NUP93: variants seen among roughly 807,000 people sequenced by gnomAD.
NUP93 encodes nuclear pore complex protein Nup93.
NUP93 carries 55 observed loss-of-function variants against 107.8 expected under a neutral mutation model. The observed-to-expected ratio is 0.51, with a 90% CI of 0.41 to 0.64. The LOEUF is 0.64. Among genes scored for constraint, NUP93 ranks in the 30% least tolerant of loss-of-function variants. The probability of loss-of-function intolerance (pLI) is 0.00; values close to 1 mark genes in which losing one functional copy is unlikely to be tolerated. For missense variants in NUP93, 937 were observed against 1,044.7 expected (o/e 0.90, Z 1.42); for synonymous variants, 390 against 397.5 (o/e 0.98, Z 0.22).
At chr16:56,739,626 G>A (rs1404447160) in intron 1 of NUP93, among the ~76,000 whole-genome samples, 6 of 110,376 alleles carry the variant, frequency 5.4e-5, no homozygotes, top group African/African-American at 1.9e-4. Context: ...GCGGGGGGCC[G>A]ACATCCCCAC....
chr16:56,753,643 CAT>C (rs1454990566), intron 2 of NUP93, among the ~76,000 whole-genome samples: 1 of 152,100 alleles, frequency 6.6e-6, no homozygotes, highest in East Asian at 1.9e-4. Flanking sequence ...TTTGTCATCA[CAT>C]GTGCATTTAA....
At chr16:56,808,821 CAT>C (rs1963248099) in intron 5 of NUP93, among the ~76,000 whole-genome samples, 2 of 142,126 alleles carry the variant, frequency 1.4e-5, no homozygotes, top group Non-Finnish European at 3.1e-5. Context: ...AATATAAATA[CAT>C]ATATAAATAT....
At position 56,823,712 on chromosome 16, in the gene NUP93, T is replaced by G. The variant is rs374124744; in HGVS notation, c.660T>G (p.Ile220Met). ...GCAGTTTCATTTATGTGCAGAGCAT[T>G]TCCGACATGTGGACCATGGTAAAAC... Reference protein sequence around the residue: ...ASVAELDDKSISDMWTMVKQM... With the variant: ...ASVAELDDKSMSDMWTMVKQM... Residue 220 changes from isoleucine to methionine, a missense_variant, in exon 8 of 22, where the codon ATT (isoleucine) becomes ATG (methionine). Transcript: ENST00000308159. 9.7e-5 allele frequency: 157 copies of G among 1,614,094 alleles called. 2 individuals carry two copies. In the South Asian group the frequency reaches 1.5e-3, roughly 15 times the overall value.
At chr16:56,732,154 G>A (rs145181067) in intron 1 of NUP93, among the ~76,000 whole-genome samples, 4 of 152,198 alleles carry the variant, frequency 2.6e-5, no homozygotes, top group Admixed American at 1.3e-4. Flanking sequence ...CCCATTTCCC[G>A]CCTCCCTTCA....
rs772272854 is a variant in NUP93 at position 56,829,073 on chromosome 16, G to A, written c.891G>A (p.Leu297=). 6.2e-7 allele frequency: 1 copy of A among 1,613,140 alleles called. No homozygotes were observed. The highest frequency in any genetic ancestry group is 1.7e-5 in the Admixed American group (1 of 59,786). ...PGTYQLVRSF[L]NIKLPAPLPG... ...CTTACCAATTGGTTCGAAGTTTCCT[G>A]AACATTAAACTGCCAGCTCCCTTGC... Residue 297 remains leucine (L), a synonymous_variant, in exon 9 of 22, where the codon CTG becomes CTA. Transcript: ENST00000308159.
Position 56,849,168 on chromosome 16 carries a change from G to A in NUP93, c.*4559G>A, listed in dbSNP as rs139929592. The A allele has an allele frequency of 1.3e-5, 2 of 152,280 alleles. No individual in the cohort carries two copies. Among genetic ancestry groups the A allele is most frequent in the South Asian group, 2.1e-4 (1 of 4,826 alleles). 9.4% of individuals were successfully genotyped at this position (152,280 alleles called of 1,614,324 possible). On this transcript the variant is annotated 3_prime_UTR_variant, in exon 22 of 22. Transcript: ENST00000308159. The stretch of plus-strand genomic sequence containing the variant: ...TGATTCACCGTGGGGGCCCTTAATA[G>A]GCATTCAGTCTGAAAGAAGGTGGAG...
Position 56,832,352 on chromosome 16 carries a change from C to A in NUP93, c.1309C>A (p.Leu437Ile). The A allele has an allele frequency of 6.2e-7, 1 of 1,614,108 alleles. No individual in the cohort carries two copies. Among genetic ancestry groups the A allele is most frequent in the Non-Finnish European group, 8.5e-7 (1 of 1,179,950 alleles). ...GTSSPQDRLT[L>I]SQFQKQLLED... ...CAGCTCCCCACAAGACAGGCTCACT[C>A]TCTCACAGTTCCAGAAGCAGTTGTT... is the stretch of plus-strand genomic sequence containing the variant. Residue 437 changes from leucine to isoleucine, a missense_variant, in exon 12 of 22, where the codon CTC becomes ATC. Coordinates refer to ENST00000308159, the MANE Select transcript of NUP93 (RefSeq NM_014669.5).
intron 3 of NUP93, among the ~76,000 whole-genome samples, chr16:56,772,009 A>T (rs952850347): frequency 4.0e-5 from 6 of 151,612 alleles, no homozygotes; most frequent in African/African-American, 7.3e-5. Context: ...CTTCCCTTTC[A>T]TTCTTTTTCT....
chr16:56,731,618 G>A (rs555087907), intron 1 of NUP93, among the ~76,000 whole-genome samples: 2 of 152,096 alleles, frequency 1.3e-5, no homozygotes, highest in Non-Finnish European at 2.9e-5. Context: ...ATGTTGGCCA[G>A]GCTGGTCTTG....
At chr16:56,756,478 C>G (rs1962026191) in intron 2 of NUP93, among the ~76,000 whole-genome samples, 2 of 152,116 alleles carry the variant, frequency 1.3e-5, no homozygotes, top group Non-Finnish European at 2.9e-5. Flanking sequence ...TGAACTCATT[C>G]TTTTTGATGG....
intron 5 of NUP93, among the ~76,000 whole-genome samples, chr16:56,817,664 T>G (rs1344344642): frequency 6.6e-6 from 1 of 152,236 alleles, no homozygotes; most frequent in African/African-American, 2.4e-5. Context: ...ACTGAAACTT[T>G]TTTCATACAC....
intron 3 of NUP93, among the ~76,000 whole-genome samples, chr16:56,768,604 A>C (rs1335220074): frequency 6.6e-6 from 1 of 151,176 alleles, no homozygotes; most frequent in Non-Finnish European, 1.5e-5. Flanking sequence ...GTGGTGGCTC[A>C]CGCCTGTAAT....
At chr16:56,768,204 C>T (rs1172184185) in intron 3 of NUP93, among the ~76,000 whole-genome samples, 1 of 152,130 alleles carries the variant, frequency 6.6e-6, no homozygotes, top group Non-Finnish European at 1.5e-5. Context: ...GTGTTTTTTT[C>T]TCCTTCCTTC....
intron 3 of NUP93, among the ~76,000 whole-genome samples, chr16:56,766,831 G>C (rs1962224272): frequency 6.6e-6 from 1 of 152,176 alleles, no homozygotes; most frequent in Non-Finnish European, 1.5e-5. Context: ...GGATTACATA[G>C]AGGGGAGACC....
At chr16:56,809,206 C>T (rs1274982645) in intron 5 of NUP93, among the ~76,000 whole-genome samples, 1 of 152,140 alleles carries the variant, frequency 6.6e-6, no homozygotes, top group African/African-American at 2.4e-5. Context: ...GCTTGCCACA[C>T]ATTTACCACC....
intron 3 of NUP93, among the ~76,000 whole-genome samples, chr16:56,780,708 A>G (rs1962498452): frequency 6.6e-6 from 1 of 152,200 alleles, no homozygotes. Context: ...CCAAGTTAAT[A>G]TTTATATAAA....
chr16:56,795,265 C>G (rs1377075933), intron 3 of NUP93, among the ~76,000 whole-genome samples: 1 of 152,150 alleles, frequency 6.6e-6, no homozygotes, highest in African/African-American at 2.4e-5. Flanking sequence ...GTTTGTGAAC[C>G]GTGACACTAA....
chr16:56,736,612 G>A (rs1342261003), intron 1 of NUP93, among the ~76,000 whole-genome samples: 2 of 152,202 alleles, frequency 1.3e-5, no homozygotes, highest in South Asian at 2.1e-4. Context: ...ACAGAAGCCA[G>A]GGGCAGAGGC....
chr16:56,758,685 A>G, intron 3 of NUP93, 30 bp downstream of exon 3: 2 of 1,504,504 alleles, frequency 1.3e-6, no homozygotes, highest in Non-Finnish European at 1.9e-6. Context: ...GGTGGAACCC[A>G]GAGCATATAA....
Sources: allele counts gnomAD v4.1 joint callset (sites outside exome capture counted in the v4.1 genomes callset), GRCh38; gene constraint gnomAD v4.1.1; transcripts MANE v1.5; gene names NCBI Gene and HGNC (gene_info 2026-07-23, HGNC 2026-07-21).